The following ABI2 variants were observed in gnomAD, a reference collection of about 807,000 sequenced individuals.
ABI2 encodes abl interactor 2.
A neutral mutation model predicts 59.2 loss-of-function variants in ABI2; 25 were observed. That is an observed-to-expected ratio of 0.42 (90% CI 0.31 to 0.59). ABI2 has a LOEUF of 0.59. ABI2 is among the 20% of genes least tolerant of loss of function. The pLI is 0.14. For missense variants in ABI2, 545 were observed against 681.8 expected (o/e 0.80, Z 2.23); for synonymous variants, 213 against 235.5 (o/e 0.90, Z 0.87).
chr2:203,354,789 A>G (rs2091012472), intron 1 of ABI2, among the ~76,000 whole-genome samples: 1 of 152,158 alleles, frequency 6.6e-6, no homozygotes, highest in South Asian at 2.1e-4. Context: ...AATCTTTTAT[A>G]TTGGTCTGTA....
At chr2:203,385,966 T>G (rs10932014) in intron 4 of ABI2, among the ~76,000 whole-genome samples, 2,600 of 152,304 alleles carry the variant, frequency 0.017, 77 homozygotes, top group East Asian at 0.092. Flanking sequence ...CTTTTAACCC[T>G]TTTTCTAAAA....
chr2:203,380,071 G>A, intron 2 of ABI2, 137 bp from the exon 3 acceptor site: 1 of 573,470 alleles, frequency 1.7e-6, no homozygotes, highest in Non-Finnish European at 2.8e-6. Flanking sequence ...AAAATCAGTA[G>A]TCCAGAAGAA....
At chr2:203,394,171 A>G (rs1273530503) in intron 5 of ABI2, among the ~76,000 whole-genome samples, 1 of 152,168 alleles carries the variant, frequency 6.6e-6, no homozygotes, top group East Asian at 1.9e-4. Flanking sequence ...TTGTATATAG[A>G]TATACTTTAA....
At chr2:203,337,023 C>CAACT (rs764227275) in intron 1 of ABI2, among the ~76,000 whole-genome samples, 8 of 152,140 alleles carry the variant, frequency 5.3e-5, no homozygotes, top group Non-Finnish European at 7.4e-5. Flanking sequence ...GACAAGCCTA[C>CAACT]AACTAACATC....
intron 8 of ABI2, among the ~76,000 whole-genome samples, chr2:203,398,489 T>C (rs2097095497): frequency 6.6e-6 from 1 of 152,240 alleles, no homozygotes; most frequent in South Asian, 2.1e-4. Flanking sequence ...TTATTAATAA[T>C]TTATATCAGG....
intron 6 of ABI2, among the ~76,000 whole-genome samples, chr2:203,395,450 C>T (rs2252464): frequency 0.34 from 15,743 of 46,798 alleles, 1,460 homozygotes; most frequent in African/African-American, 0.47. Context: ...TATATATATA[C>T]ACACACACAC....
intron 9 of ABI2, among the ~76,000 whole-genome samples, chr2:203,405,733 C>T (rs897424280): frequency 1.3e-5 from 2 of 151,838 alleles, no homozygotes; most frequent in Non-Finnish European, 2.9e-5. Flanking sequence ...TAATTGGAGT[C>T]TTGCTGTGGT....
At chr2:203,368,919 G>A (rs934808353) in intron 2 of ABI2, among the ~76,000 whole-genome samples, 1 of 150,288 alleles carries the variant, frequency 6.7e-6, no homozygotes, top group Non-Finnish European at 1.5e-5. Context: ...TGGGCTCAAG[G>A]GATCCTCCTG....
intron 4 of ABI2, among the ~76,000 whole-genome samples, chr2:203,386,354 G>C (rs138874981): frequency 1.0e-3 from 150 of 149,908 alleles, no homozygotes; most frequent in African/African-American, 3.5e-3. Flanking sequence ...TGGCATGATA[G>C]CTCACTGTAT....
intron 7 of ABI2, among the ~76,000 whole-genome samples, 198 bp from the exon 8 acceptor site, chr2:203,396,587 A>G (rs2096997766): frequency 6.6e-6 from 1 of 152,214 alleles, no homozygotes; most frequent in East Asian, 1.9e-4. Flanking sequence ...AAAAATCTGC[A>G]CATTACCCTG....
intron 1 of ABI2, among the ~76,000 whole-genome samples, chr2:203,362,154 T>C (rs1451427942): frequency 1.3e-5 from 2 of 152,324 alleles, no homozygotes; most frequent in East Asian, 3.9e-4. Flanking sequence ...AGCTAGTTCA[T>C]ATCCACAGTT....
intron 11 of ABI2, among the ~76,000 whole-genome samples, chr2:203,422,347 G>A (rs2443791): frequency 6.6e-6 from 1 of 152,182 alleles, no homozygotes; most frequent in Non-Finnish European, 1.5e-5. Flanking sequence ...ACACTGCTTA[G>A]AAAATCTCAG....
intron 1 of ABI2, among the ~76,000 whole-genome samples, chr2:203,329,791 C>T (rs2071689270): frequency 6.6e-6 from 1 of 151,640 alleles, no homozygotes; most frequent in South Asian, 2.1e-4. Flanking sequence ...GGTTGGAGTG[C>T]AGTGGCGCGA....
intron 4 of ABI2, among the ~76,000 whole-genome samples, chr2:203,383,672 G>T (rs2096275944): frequency 6.6e-6 from 1 of 152,114 alleles, no homozygotes; most frequent in Non-Finnish European, 1.5e-5. Context: ...CTCCTAGAAA[G>T]ATCTAATGAA....
chr2:203,334,904 G>A lies in ABI2; in HGVS notation c.117+6273G>A, dbSNP rs923420238. On this transcript the variant is annotated intron_variant, in intron 1 of 11. Coordinates refer to ENST00000261018, the MANE Select transcript of ABI2 (RefSeq NM_001375670.1). ...TCGAGATCCTGACCTTAGGTGATCC[G>A]CCCGCCTCGGCCTCCCAAAGTGCTG... Among the ~76,000 whole-genome samples the A allele has an allele frequency of 3.3e-5, 5 of 152,086 alleles. No homozygotes were observed. The East Asian group carries it at 5.8e-4, about 18-fold the overall frequency.
At chr2:203,354,032 GT>G (rs1248400238) in intron 1 of ABI2, among the ~76,000 whole-genome samples, 1 of 152,096 alleles carries the variant, frequency 6.6e-6, no homozygotes, top group Non-Finnish European at 1.5e-5. Context: ...AGAGTGGATT[GT>G]GATTAGATTT....
intron 7 of ABI2, among the ~76,000 whole-genome samples, 185 bp from the exon 8 acceptor site, chr2:203,396,600 C>T (rs2096998927): frequency 6.6e-6 from 1 of 152,134 alleles, no homozygotes; most frequent in Non-Finnish European, 1.5e-5. Flanking sequence ...TTACCCTGAG[C>T]ATCTTGAATT....
intron 4 of ABI2, among the ~76,000 whole-genome samples, chr2:203,383,558 A>G (rs1178666256): frequency 1.3e-5 from 2 of 152,210 alleles, no homozygotes; most frequent in East Asian, 3.9e-4. Context: ...TAGCTTGCCC[A>G]AGCTACTATC....
At chr2:203,399,889 A>T (rs1579383058) in intron 8 of ABI2, among the ~76,000 whole-genome samples, 1 of 152,026 alleles carries the variant, frequency 6.6e-6, no homozygotes, top group Non-Finnish European at 1.5e-5. Flanking sequence ...ATTTTTCAAA[A>T]TTTTTTTAAA....
Sources: allele counts gnomAD v4.1 joint callset (sites outside exome capture counted in the v4.1 genomes callset), GRCh38; gene constraint gnomAD v4.1.1; transcripts MANE v1.5; gene names NCBI Gene and HGNC (gene_info 2026-07-23, HGNC 2026-07-21).